Variants in SYNJ1 observed in about 807,000 individuals in gnomAD.
SYNJ1 encodes the protein polyphosphatidylinositol phosphatase SYNJ1.
Under a neutral mutation model 168.2 loss-of-function variants are expected in SYNJ1, and 78 were observed. The ratio of observed to expected loss-of-function variants is 0.46; its 90% CI spans 0.39 to 0.56. SYNJ1 has a LOEUF of 0.56. Ranked by LOEUF, SYNJ1 falls within the 20% of genes least tolerant of loss-of-function variation. The pLI is 0.00. For missense variants in SYNJ1, 1,303 were observed against 1,597.6 expected (o/e 0.82, Z 3.14); for synonymous variants, 539 against 548.6 (o/e 0.98, Z 0.24).
At chr21:32,699,626 T>G (rs2042328162) in intron 4 of SYNJ1, among the ~76,000 whole-genome samples, 1 of 152,142 alleles carries the variant, frequency 6.6e-6, no homozygotes, top group Non-Finnish European at 1.5e-5. Context: ...TGTCTACTCT[T>G]ACATTGCTCC....
At chr21:32,702,547 A>AC (rs2042443363) in intron 2 of SYNJ1, among the ~76,000 whole-genome samples, 1 of 151,764 alleles carries the variant, frequency 6.6e-6, no homozygotes, top group African/African-American at 2.4e-5. Context: ...AAAAACAACA[A>AC]AAAAAAATCA....
At position 32,664,800 on chromosome 21, in the gene SYNJ1, T is replaced by G. The variant is rs1029845972; in HGVS notation, c.2304+113A>C. On this transcript the variant is annotated intron_variant, in intron 18 of 32. Coordinates refer to ENST00000674351, the MANE Select transcript of SYNJ1 (RefSeq NM_203446.3). ...ATTCTATTATCTGTTTACCTACAGA[T>G]GCATATTTAAGTACAAAAAGACCCC... The G allele has an allele frequency of 1.1e-5, 9 of 829,356 alleles. No homozygotes were observed. In the African/African-American group the frequency reaches 1.5e-4, roughly 14 times the overall value. 51.4% of individuals were successfully genotyped at this position (829,356 alleles called of 1,614,324 possible). A position where few individuals can be genotyped will look rare whatever the true frequency, so the allele number is the denominator to read the frequency against.
At chr21:32,719,623 A>G (rs2043146207) in intron 2 of SYNJ1, among the ~76,000 whole-genome samples, 1 of 151,858 alleles carries the variant, frequency 6.6e-6, no homozygotes, top group Non-Finnish European at 1.5e-5. Context: ...CTGAGGCAGG[A>G]GAATTGCTTG....
intron 15 of SYNJ1, 102 bp downstream of exon 15, chr21:32,670,185 AT>A (rs1192534285): frequency 2.1e-5 from 20 of 930,418 alleles, no homozygotes; most frequent in Non-Finnish European, 3.3e-5. Context: ...GCACCCTTCC[AT>A]TTATTATTTC....
chr21:32,657,605 C>A, intron 19 of SYNJ1, 111 bp downstream of exon 19: 1 of 962,512 alleles, frequency 1.0e-6, no homozygotes, highest in East Asian at 2.9e-5. Flanking sequence ...TTATTCTATT[C>A]CAGTTAATGT....
At chr21:32,727,805 C>T in intron 1 of SYNJ1, 141 bp downstream of exon 1, 1 of 1,451,554 alleles carries the variant, frequency 6.9e-7, no homozygotes, top group Non-Finnish European at 9.0e-7. Flanking sequence ...GCCCGTCCTC[C>T]CGCACCCCGG....
intron 2 of SYNJ1, among the ~76,000 whole-genome samples, chr21:32,704,107 A>C (rs1487524448): frequency 6.6e-6 from 1 of 152,248 alleles, no homozygotes; most frequent in African/African-American, 2.4e-5. Flanking sequence ...CTCTCTTCTA[A>C]TAATGCATAA....
chr21:32,690,688 C>G (rs750585702), intron 6 of SYNJ1, among the ~76,000 whole-genome samples: 4 of 151,296 alleles, frequency 2.6e-5, no homozygotes, highest in African/African-American at 9.7e-5. Context: ...GTCAGGAGTT[C>G]GAGACCAGCG....
intron 2 of SYNJ1, among the ~76,000 whole-genome samples, chr21:32,714,881 A>G (rs1293334556): frequency 6.6e-6 from 1 of 152,202 alleles, no homozygotes; most frequent in Non-Finnish European, 1.5e-5. Context: ...TGCAAGGGGA[A>G]GTGCATTTTC....
At chr21:32,696,197 A>G (rs939019311) in intron 4 of SYNJ1, among the ~76,000 whole-genome samples, 4 of 152,158 alleles carry the variant, frequency 2.6e-5, no homozygotes, top group Non-Finnish European at 5.9e-5. Context: ...GCTCTATTTT[A>G]ATTAATTTAA....
At chr21:32,636,916 C>T (rs1420868254) in intron 31 of SYNJ1, among the ~76,000 whole-genome samples, 2 of 152,120 alleles carry the variant, frequency 1.3e-5, no homozygotes, top group Non-Finnish European at 2.9e-5. Flanking sequence ...AACTGACAAC[C>T]ATGAGATTCA....
At chr21:32,719,982 G>A (rs1331704378) in intron 2 of SYNJ1, among the ~76,000 whole-genome samples, 2 of 152,018 alleles carry the variant, frequency 1.3e-5, no homozygotes, top group African/African-American at 4.8e-5. Flanking sequence ...GCTCACACCT[G>A]TAATCCCAGG....
At chr21:32,702,349 G>A (rs559948945) in intron 2 of SYNJ1, among the ~76,000 whole-genome samples, 1 of 152,124 alleles carries the variant, frequency 6.6e-6, no homozygotes, top group Non-Finnish European at 1.5e-5. Context: ...AATGATAAAA[G>A]CTAATGGCAA....
At position 32,671,010 on chromosome 21, in the gene SYNJ1, T is replaced by C. The variant is rs548527369; in HGVS notation, c.1727-638A>G. 1.2e-4 allele frequency among the ~76,000 whole-genome samples: 18 copies of C among 152,080 alleles called. No homozygotes were observed. The East Asian group carries it at 3.3e-3, about 28-fold the overall frequency. ...GTTTCTAGAAATGAGGACAAATAGC[T>C]AGAAAGAGCCTATATGGCCAGATGC... On this transcript the variant is annotated intron_variant, in intron 14 of 32. Coordinates refer to ENST00000674351, the MANE Select transcript of SYNJ1 (RefSeq NM_203446.3).
In SYNJ1 at chr21:32,726,928, CAAGCAAAGCA is replaced by C; in HGVS notation, c.-22-21_-22-12del. The C allele has an allele frequency of 6.2e-7, 1 of 1,612,996 alleles. No individual in the cohort carries two copies. Among genetic ancestry groups the C allele is most frequent in the Non-Finnish European group, 8.5e-7 (1 of 1,179,410 alleles). On this transcript the variant is annotated splice_polypyrimidine_tract_variant and intron_variant, in intron 1 of 32. Transcript: ENST00000674351. ...TCTTCGGAGGCAGCCCTGCGAAAAC[CAAGCAAAGCA>C]AAGCAAATGAAGCTGATGTTTCCTT... is the stretch of plus-strand genomic sequence containing the variant.
At chr21:32,718,260 T>C (rs2043094620) in intron 2 of SYNJ1, among the ~76,000 whole-genome samples, 2 of 152,180 alleles carry the variant, frequency 1.3e-5, no homozygotes, top group Non-Finnish European at 2.9e-5. Flanking sequence ...CATAGCAAAG[T>C]TAAGTGGTGA....
At chr21:32,710,005 C>G (rs2042769679) in intron 2 of SYNJ1, among the ~76,000 whole-genome samples, 1 of 151,710 alleles carries the variant, frequency 6.6e-6, no homozygotes, top group South Asian at 2.1e-4. Flanking sequence ...TTGAGACTAG[C>G]CTGGCCAACA....
intron 2 of SYNJ1, among the ~76,000 whole-genome samples, chr21:32,703,812 C>T (rs932392823): frequency 1.4e-4 from 22 of 151,990 alleles, no homozygotes; most frequent in Non-Finnish European, 2.9e-4. Flanking sequence ...CTCCAGGGCT[C>T]AAGTAATCCT....
chr21:32,686,958 T>C lies in SYNJ1; in HGVS notation c.948+20A>G. The C allele has an allele frequency of 1.4e-6, 2 of 1,469,224 alleles. No individual in the cohort carries two copies. The highest frequency in any genetic ancestry group is 1.8e-6 in the Non-Finnish European group (2 of 1,088,200). 91.0% of individuals were successfully genotyped at this position (1,469,224 alleles called of 1,614,324 possible). Reference sequence around the variant, plus strand: ...TAGGTGTCCATGGGCCAGAATGAAATAAGAAATGACCATACTTACCTGGAA... The same window carrying C: ...TAGGTGTCCATGGGCCAGAATGAAACAAGAAATGACCATACTTACCTGGAA... On this transcript the variant is annotated intron_variant, in intron 8 of 32. Coordinates refer to ENST00000674351, the MANE Select transcript of SYNJ1 (RefSeq NM_203446.3).
Sources: gnomAD v4.1 joint callset for allele counts (sites outside exome capture counted in the v4.1 genomes callset) on GRCh38, gnomAD v4.1.1 for gene constraint, MANE v1.5 for transcripts, NCBI Gene and HGNC (gene_info 2026-07-23, HGNC 2026-07-21) for gene names.